The following KIDINS220 variants were observed in gnomAD, a reference collection of about 807,000 sequenced individuals.
KIDINS220 encodes kinase D-interacting substrate of 220 kDa.
KIDINS220 carries 63 observed loss-of-function variants against 157.6 expected under a neutral mutation model. The ratio of observed to expected loss-of-function variants is 0.40; its 90% CI spans 0.33 to 0.49. KIDINS220 has a LOEUF of 0.49. KIDINS220 is among the 20% of genes least tolerant of loss of function. KIDINS220 has a pLI of 0.66. For synonymous variants in KIDINS220, 732 were observed against 783.6 expected, an observed-to-expected ratio of 0.93 and a Z score of 1.10; for missense variants, 1,772 against 2,171.2, an observed-to-expected ratio of 0.82 and a Z score of 3.65.
intron 26 of KIDINS220, chr2:8,746,939 C>CAGG (rs1431728238): frequency 1.6e-5 from 8 of 494,442 alleles, no homozygotes; most frequent in Non-Finnish European, 2.9e-5. Flanking sequence ...AGGGGAAAAG[C>CAGG]AGGAGGAAAT....
chr2:8,806,289 A>T lies in KIDINS220; in HGVS notation c.585T>A (p.Asp195Glu). The change falls in exon 7 of 30, where the codon GAT (aspartate) becomes GAA (glutamate). Residue 195 changes from aspartate to glutamate, a missense_variant. By Grantham distance (45) the Asp-to-Glu change is conservative. Coordinates refer to ENST00000256707, the MANE Select transcript of KIDINS220 (RefSeq NM_020738.4). Reference sequence around the variant, plus strand: ...TACTTACAGCTCCTTCTTGATCCACATCAGCTCCCATGGCCAATAAATGTT... The same window carrying T: ...TACTTACAGCTCCTTCTTGATCCACTTCAGCTCCCATGGCCAATAAATGTT... Reference protein sequence around the residue: ...CVKHLLAMGADVDQEGANSMT... With the variant: ...CVKHLLAMGAEVDQEGANSMT... 1 of 1,608,592 alleles carries T rather than the reference A, an allele frequency of 6.2e-7. No individual in the cohort carries two copies. Among genetic ancestry groups the T allele is most frequent in the East Asian group, 2.2e-5 (1 of 44,730 alleles).
chr2:8,836,205 CAAA>C (rs370008479), intron 1 of KIDINS220, among the ~76,000 whole-genome samples: 2 of 142,188 alleles, frequency 1.4e-5, no homozygotes. Context: ...TGCCCTTAAC[CAAA>C]AAAAAAAAAG....
chr2:8,746,144 C>T (rs1377502070), intron 26 of KIDINS220, among the ~76,000 whole-genome samples: 1 of 150,988 alleles, frequency 6.6e-6, no homozygotes, highest in Non-Finnish European at 1.5e-5. Context: ...CTCTTGTTGC[C>T]GAGGCTGGAG....
chr2:8,816,582 C>A (rs1398184183), intron 4 of KIDINS220, among the ~76,000 whole-genome samples: 1 of 152,174 alleles, frequency 6.6e-6, no homozygotes, highest in Non-Finnish European at 1.5e-5. Context: ...GTGTCATTAA[C>A]CCATCTGATA....
rs545416337 is a variant in KIDINS220 at position 8,788,146 on chromosome 2, C to T, written c.1787+501G>A. Among the ~76,000 whole-genome samples the T allele has an allele frequency of 5.3e-5, 8 of 152,248 alleles. No individual in the cohort carries two copies. The South Asian group carries it at 1.2e-3, about 24-fold the overall frequency. ...TGGAAAGGTGCCTCTGATCCTTTAACGTACAGGAGGGATATATAATCTGAA... is the reference window on the plus strand; with the variant it reads ...TGGAAAGGTGCCTCTGATCCTTTAATGTACAGGAGGGATATATAATCTGAA... On this transcript the variant is annotated intron_variant, in intron 15 of 29. Coordinates refer to ENST00000256707, the MANE Select transcript of KIDINS220 (RefSeq NM_020738.4).
chr2:8,813,598 C>T (rs1676635607), intron 4 of KIDINS220, among the ~76,000 whole-genome samples: 2 of 152,116 alleles, frequency 1.3e-5, no homozygotes, highest in Non-Finnish European at 2.9e-5. Flanking sequence ...TGAACTCTTC[C>T]AAACTTCTAA....
chr2:8,826,878 T>C (rs1444643126), intron 2 of KIDINS220, 108 bp downstream of exon 2: 4 of 561,950 alleles, frequency 7.1e-6, no homozygotes, highest in Middle Eastern at 2.9e-4. Context: ...TACAGTGCAG[T>C]ATTACTAAGG....
At chr2:8,732,822 C>G (rs530575335) in intron 29 of KIDINS220, among the ~76,000 whole-genome samples, 2 of 152,290 alleles carry the variant, frequency 1.3e-5, no homozygotes, top group East Asian at 3.9e-4. Context: ...CCTCCTCCCC[C>G]GTTGTTCTCC....
At chr2:8,821,240 C>T (rs1002181061) in intron 2 of KIDINS220, among the ~76,000 whole-genome samples, 14 of 151,698 alleles carry the variant, frequency 9.2e-5, no homozygotes, top group African/African-American at 3.4e-4. Context: ...AGAAACATGC[C>T]AAATGAAAGA....
intron 2 of KIDINS220, among the ~76,000 whole-genome samples, chr2:8,821,600 C>G (rs887555471): frequency 1.3e-5 from 2 of 152,174 alleles, no homozygotes; most frequent in African/African-American, 2.4e-5. Flanking sequence ...CTTGAAATGG[C>G]TCATCTAGCT....
intron 22 of KIDINS220, among the ~76,000 whole-genome samples, chr2:8,768,225 CCTTT>C (rs1411445511): frequency 6.6e-6 from 1 of 151,054 alleles, no homozygotes; most frequent in Non-Finnish European, 1.5e-5. Context: ...TATTTTACTC[CCTTT>C]CTTACTAAAT....
intron 21 of KIDINS220, among the ~76,000 whole-genome samples, chr2:8,774,925 G>A (rs1240917544): frequency 2.0e-5 from 3 of 152,166 alleles, no homozygotes; most frequent in Non-Finnish European, 4.4e-5. Context: ...AAAGACAGGA[G>A]TAGAGACCAG....
Position 8,818,756 on chromosome 2 carries a change from C to A in KIDINS220, c.146G>T (p.Gly49Val). Residue 49 changes from glycine to valine, a missense_variant, in exon 3 of 30, where the codon GGC (glycine) becomes GTC (valine). Physicochemically the swap from Gly to Val is moderately radical, Grantham distance 109. Transcript: ENST00000256707. ...TAATTCCTTCACTATTTCCAGATTG[C>A]CTTGTTCGGCAGCTATCATCAGTGG... is the stretch of plus-strand genomic sequence containing the variant. ...QTPLMIAAEQ[G>V]NLEIVKELIK... 1 of 1,610,534 alleles carries A rather than the reference C, an allele frequency of 6.2e-7. No homozygotes were observed. Among genetic ancestry groups the A allele is most frequent in the Non-Finnish European group, 8.5e-7 (1 of 1,177,568 alleles).
At chr2:8,742,529 G>A (rs1400835522) in intron 26 of KIDINS220, among the ~76,000 whole-genome samples, 3 of 152,188 alleles carry the variant, frequency 2.0e-5, no homozygotes, top group Admixed American at 6.5e-5. Context: ...GCACACTGGA[G>A]CTGTGTTAAC....
Position 8,798,297 on chromosome 2 carries a change from T to G in KIDINS220, c.904A>C (p.Asn302His). Residue 302 changes from asparagine (N) to histidine (H), a missense_variant, in exon 10 of 30, where the codon AAT becomes CAT. Asn to His is a moderately conservative substitution (Grantham distance 68). Around this residue, in one of 3 missense-constraint regions of KIDINS220, gnomAD observed 725 missense variants for 1,017.1 expected, o/e 0.71. Coordinates refer to ENST00000256707, the MANE Select transcript of KIDINS220 (RefSeq NM_020738.4). ...YADIDIRGQDNKTALYWAVEK... is the reference protein window; with the variant it reads ...YADIDIRGQDHKTALYWAVEK... ...ACAGCCCAATACAAAGCAGTTTTAT[T>G]ATCCTAGATAATTAAAAAAAACACA... 6.4e-7 allele frequency: 1 copy of G among 1,563,262 alleles called. No individual in the cohort carries two copies. Among genetic ancestry groups the G allele is most frequent in the Non-Finnish European group, 8.8e-7 (1 of 1,134,962 alleles).
At chr2:8,819,935 ATTAAGT>A (rs1553336803) in intron 2 of KIDINS220, among the ~76,000 whole-genome samples, 33 of 152,336 alleles carry the variant, frequency 2.2e-4, no homozygotes, top group Non-Finnish European at 4.4e-5. Flanking sequence ...TACACCAAAA[ATTAAGT>A]TTAATTATGC....
At chr2:8,798,350 A>G (rs1297580518) in intron 9 of KIDINS220, 50 bp from the exon 10 acceptor site, 1 of 997,266 alleles carries the variant, frequency 1.0e-6, no homozygotes, top group Admixed American at 1.8e-5. Context: ...ACAATATTTA[A>G]AACTGCTACT....
downstream of KIDINS220, chr2:8,722,485 G>C (rs1470316823): frequency 6.6e-6 from 1 of 152,244 alleles, no homozygotes; most frequent in Non-Finnish European, 1.5e-5. Flanking sequence ...GGACTGGCAT[G>C]GGAGCCCCCC....
At chr2:8,762,275 T>C (rs1390626806) in intron 22 of KIDINS220, among the ~76,000 whole-genome samples, 1 of 152,220 alleles carries the variant, frequency 6.6e-6, no homozygotes, top group South Asian at 2.1e-4. Context: ...AATAAGGGTT[T>C]TGGATAATGA....
Sources: allele counts gnomAD v4.1 joint callset (sites outside exome capture counted in the v4.1 genomes callset), GRCh38; gene constraint gnomAD v4.1.1; regional missense constraint gnomAD v4.1.1; transcripts MANE v1.5; gene names NCBI Gene and HGNC (gene_info 2026-07-23, HGNC 2026-07-21).